PHC2: variants seen among roughly 807,000 people sequenced by gnomAD.
PHC2 encodes polyhomeotic-like protein 2.
A neutral mutation model predicts 87.4 loss-of-function variants in PHC2; 29 were observed. The ratio of observed to expected loss-of-function variants is 0.33; its 90% CI spans 0.25 to 0.45. The LOEUF is 0.45. Among genes scored for constraint, PHC2 ranks in the 20% least tolerant of loss-of-function variants. The pLI is 1.00. For missense variants in PHC2, 857 were observed against 1,136.7 expected (o/e 0.75, Z 3.54); for synonymous variants, 438 against 461.7 (o/e 0.95, Z 0.66).
At chr1:33,339,851 G>A (rs1196165974) in intron 9 of PHC2, among the ~76,000 whole-genome samples, 1 of 152,226 alleles carries the variant, frequency 6.6e-6, no homozygotes, top group East Asian at 1.9e-4. Flanking sequence ...TACTGGTTGA[G>A]CATCCCAAAT....
At chr1:33,414,174 CTG>C (rs1491147711) in intron 1 of PHC2, among the ~76,000 whole-genome samples, 1 of 113,600 alleles carries the variant, frequency 8.8e-6, no homozygotes, top group Non-Finnish European at 1.9e-5. Context: ...TTCTCTCTCT[CTG>C]TCACACACAC....
intron 1 of PHC2, among the ~76,000 whole-genome samples, chr1:33,415,580 A>C (rs1192692116): frequency 6.6e-6 from 1 of 152,262 alleles, no homozygotes; most frequent in African/African-American, 2.4e-5. Flanking sequence ...TTAATCATCA[A>C]GAATATAAAG....
At chr1:33,356,276 T>TATATCTATATATATATAC (rs1557831073) in intron 7 of PHC2, among the ~76,000 whole-genome samples, 1 of 59,472 alleles carries the variant, frequency 1.7e-5, no homozygotes, top group Non-Finnish European at 3.1e-5. Context: ...TATATATATA[T>TATATCTATATATATATAC]GTATATATAT....
intron 9 of PHC2, chr1:33,335,436 G>C: frequency 1.7e-6 from 1 of 595,764 alleles, no homozygotes; most frequent in Non-Finnish European, 2.1e-6. Flanking sequence ...TGAGGTATGA[G>C]TGATATATAC....
chr1:33,392,440 C>G (rs1392640630), intron 1 of PHC2, among the ~76,000 whole-genome samples: 1 of 152,148 alleles, frequency 6.6e-6, no homozygotes, highest in Non-Finnish European at 1.5e-5. Flanking sequence ...CTAATGGATT[C>G]TTATCTGCCT....
At chr1:33,399,493 A>G (rs1243924893) in intron 1 of PHC2, among the ~76,000 whole-genome samples, 2 of 152,184 alleles carry the variant, frequency 1.3e-5, no homozygotes, top group African/African-American at 2.4e-5. Context: ...GAACAGGTCA[A>G]TCTTCTTATT....
At chr1:33,366,952 C>T (rs1647487257) in intron 7 of PHC2, among the ~76,000 whole-genome samples, 164 bp downstream of exon 7, 1 of 152,214 alleles carries the variant, frequency 6.6e-6, no homozygotes, top group Admixed American at 6.5e-5. Flanking sequence ...AAGCATGGCA[C>T]AGAGCCAGGA....
intron 9 of PHC2, 27 bp downstream of exon 9, chr1:33,354,374 C>A: frequency 6.3e-7 from 1 of 1,584,330 alleles, no homozygotes; most frequent in South Asian, 1.1e-5. Context: ...TTCCTCCCCT[C>A]CCCCAGGGCC....
chr1:33,423,052 G>A (rs1322259102), intron 1 of PHC2, among the ~76,000 whole-genome samples: 1 of 152,074 alleles, frequency 6.6e-6, no homozygotes, highest in Admixed American at 6.6e-5. Context: ...GAGTACAGAT[G>A]GAAGGCGGCT....
intron 7 of PHC2, among the ~76,000 whole-genome samples, chr1:33,358,456 C>T (rs1647134466): frequency 6.6e-6 from 1 of 152,116 alleles, no homozygotes; most frequent in African/African-American, 2.4e-5. Context: ...ACATCCTTAA[C>T]TTTTTGAGGT....
intron 9 of PHC2, chr1:33,345,374 C>T (rs916921592): frequency 5.4e-6 from 1 of 184,676 alleles, no homozygotes; most frequent in East Asian, 1.9e-4. Context: ...TGTTTAACAG[C>T]AGTCATGTCT....
At chr1:33,385,947 C>A (rs1648722866) in intron 1 of PHC2, among the ~76,000 whole-genome samples, 1 of 151,840 alleles carries the variant, frequency 6.6e-6, no homozygotes, top group Non-Finnish European at 1.5e-5. Flanking sequence ...CAGGCCTGCA[C>A]CACCACACCC....
chr1:33,403,999 C>G (rs1649651632), intron 1 of PHC2, among the ~76,000 whole-genome samples: 1 of 152,204 alleles, frequency 6.6e-6, no homozygotes, highest in African/African-American at 2.4e-5. Flanking sequence ...ACACTCACAT[C>G]TATGCCTATG....
chr1:33,329,258 G>T, intron 13 of PHC2, 112 bp from the exon 14 acceptor site: 1 of 1,040,198 alleles, frequency 9.6e-7, no homozygotes, highest in South Asian at 1.6e-5. Flanking sequence ...ACACATCTGA[G>T]TTCCCAGATC....
chr1:33,347,305 G>C (rs1646862542), intron 9 of PHC2: 2 of 985,404 alleles, frequency 2.0e-6, no homozygotes, highest in Non-Finnish European at 2.4e-6. Flanking sequence ...GAAGGAGGCA[G>C]AGAATGCAGA....
intron 1 of PHC2, among the ~76,000 whole-genome samples, chr1:33,423,272 G>C (rs1363998616): frequency 6.6e-6 from 1 of 152,130 alleles, no homozygotes; most frequent in Non-Finnish European, 1.5e-5. Context: ...ATTTGTAACT[G>C]AAAACAAAAT....
In PHC2 at chr1:33,324,795, A is replaced by C; in HGVS notation, c.*70T>G. 1 of 1,505,202 alleles carries C rather than the reference A, an allele frequency of 6.6e-7. No homozygotes were observed. The highest frequency in any genetic ancestry group is 8.9e-7 in the Non-Finnish European group (1 of 1,119,428). The allele number at this position is 1,505,202 out of a possible 1,614,324, so 93.2% of individuals were successfully genotyped here. On this transcript the variant is annotated 3_prime_UTR_variant, in exon 15 of 15. Coordinates refer to ENST00000683057, the MANE Select transcript of PHC2 (RefSeq NM_001385109.1). ...AACCGGCCCCATTTCTGGGCCCCTCAGGAATGTCTGTCTGGCTCTGCTCAG... is the reference window on the plus strand; with the variant it reads ...AACCGGCCCCATTTCTGGGCCCCTCCGGAATGTCTGTCTGGCTCTGCTCAG...
chr1:33,385,406 A>G (rs1332695669), intron 1 of PHC2, among the ~76,000 whole-genome samples: 1 of 152,218 alleles, frequency 6.6e-6, no homozygotes, highest in African/African-American at 2.4e-5. Flanking sequence ...ATGAGCAAAC[A>G]TTGCCAGGGC....
chr1:33,378,163 C>T (rs1485035077), intron 1 of PHC2, among the ~76,000 whole-genome samples: 1 of 152,194 alleles, frequency 6.6e-6, no homozygotes, highest in Non-Finnish European at 1.5e-5. Context: ...ATGCAGGAAT[C>T]AATGAAGCAG....
Sources: allele counts gnomAD v4.1 joint callset (sites outside exome capture counted in the v4.1 genomes callset), GRCh38; gene constraint gnomAD v4.1.1; transcripts MANE v1.5; gene names NCBI Gene and HGNC (gene_info 2026-07-23, HGNC 2026-07-21).